ADCY2: variants seen among roughly 807,000 people sequenced by gnomAD.
ADCY2 encodes the protein adenylate cyclase type 2.
ADCY2 carries 31 observed loss-of-function variants against 125.2 expected under a neutral mutation model. That is an observed-to-expected ratio of 0.25 (90% CI 0.19 to 0.33). ADCY2 has a LOEUF of 0.33. ADCY2 is among the 10% of genes least tolerant of loss of function. The pLI is 1.00. For missense variants in ADCY2, 904 were observed against 1,418.2 expected, an observed-to-expected ratio of 0.64 and a Z score of 5.82; for synonymous variants, 512 against 548.4, an observed-to-expected ratio of 0.93 and a Z score of 0.93.
intron 15 of ADCY2, among the ~76,000 whole-genome samples, chr5:7,747,256 G>A (rs762160004): frequency 2.8e-4 from 42 of 152,286 alleles, no homozygotes; most frequent in Non-Finnish European, 5.4e-4. Flanking sequence ...ACTGCACCAA[G>A]CCCTTCTTTT....
intron 2 of ADCY2, among the ~76,000 whole-genome samples, chr5:7,460,507 A>C (rs1475709481): frequency 1.3e-5 from 2 of 152,226 alleles, no homozygotes. Flanking sequence ...CAGTATTATC[A>C]AAATTAAAAC....
intron 3 of ADCY2, among the ~76,000 whole-genome samples, chr5:7,569,100 C>T (rs1735994678): frequency 6.6e-6 from 1 of 152,122 alleles, no homozygotes; most frequent in South Asian, 2.1e-4. Context: ...ATCCATATGG[C>T]CTCATGGAGG....
intron 4 of ADCY2, among the ~76,000 whole-genome samples, chr5:7,665,032 G>A (rs371142751): frequency 1.3e-5 from 2 of 151,858 alleles, no homozygotes; most frequent in East Asian, 3.9e-4. Context: ...GCAAATCAAT[G>A]TGTTTCTTAA....
chr5:7,669,102 A>G (rs1561156602), intron 4 of ADCY2, among the ~76,000 whole-genome samples: 1 of 152,220 alleles, frequency 6.6e-6, no homozygotes, highest in Admixed American at 6.5e-5. Flanking sequence ...AACTGCTGAC[A>G]CTTCTAAAAA....
chr5:7,647,440 C>T (rs557142320), intron 4 of ADCY2, among the ~76,000 whole-genome samples: 1 of 152,276 alleles, frequency 6.6e-6, no homozygotes, highest in South Asian at 2.1e-4. Context: ...GCAGCCAGCA[C>T]ACAGTGCATG....
At chr5:7,522,077 A>G (rs1275630431) in intron 3 of ADCY2, among the ~76,000 whole-genome samples, 1 of 152,000 alleles carries the variant, frequency 6.6e-6, no homozygotes, top group African/African-American at 2.4e-5. Context: ...CACCTGAGAC[A>G]GACAGAGGCC....
At position 7,439,915 on chromosome 5, in the gene ADCY2, C is replaced by T. The variant is rs75702954; in HGVS notation, c.408+25145C>T. On this transcript the variant is annotated intron_variant, in intron 2 of 24. Coordinates refer to ENST00000338316, the MANE Select transcript of ADCY2 (RefSeq NM_020546.3). ...TTACCACTCTACAGGTGAAGAATTCCGGGGGTGAGAGGAGAGTTCAGAGCT... is the reference window on the plus strand; with the variant it reads ...TTACCACTCTACAGGTGAAGAATTCTGGGGGTGAGAGGAGAGTTCAGAGCT... Among the ~76,000 whole-genome samples the T allele has an allele frequency of 6.0e-3, 66 of 11,058 alleles. No homozygotes were observed. The Middle Eastern group carries it at 0.13, about 22-fold the overall frequency. 7.3% of individuals were successfully genotyped at this position (11,058 alleles called of 152,430 possible). A position where few individuals can be genotyped will look rare whatever the true frequency, so the allele number is the denominator to read the frequency against.
intron 5 of ADCY2, among the ~76,000 whole-genome samples, chr5:7,695,471 A>T (rs994891360): frequency 1.3e-5 from 2 of 152,182 alleles, no homozygotes; most frequent in Admixed American, 1.3e-4. Context: ...TAAAAAGAGG[A>T]TTATTTTTCC....
chr5:7,625,153 A>G (rs889153563), intron 3 of ADCY2, among the ~76,000 whole-genome samples: 13 of 152,372 alleles, frequency 8.5e-5, no homozygotes, highest in South Asian at 4.1e-4. Flanking sequence ...GTGGTTGACC[A>G]CTATAGCATA....
intron 2 of ADCY2, among the ~76,000 whole-genome samples, 173 bp downstream of exon 2, chr5:7,414,943 T>C (rs1430643246): frequency 6.6e-6 from 1 of 152,216 alleles, no homozygotes; most frequent in African/African-American, 2.4e-5. Flanking sequence ...ATTATAATTG[T>C]ATGTATTATG....
intron 2 of ADCY2, among the ~76,000 whole-genome samples, chr5:7,439,407 A>G (rs1362044889): frequency 6.6e-6 from 1 of 152,064 alleles, no homozygotes; most frequent in African/African-American, 2.4e-5. Context: ...TACCATGAGA[A>G]CAGTATGTGG....
intron 7 of ADCY2, among the ~76,000 whole-genome samples, chr5:7,699,029 C>T (rs1468433380): frequency 6.7e-6 from 1 of 149,180 alleles, no homozygotes; most frequent in Non-Finnish European, 1.5e-5. Context: ...TCCTATTTCT[C>T]CACATCCTCT....
chr5:7,480,925 G>A (rs1002746243), intron 2 of ADCY2, among the ~76,000 whole-genome samples: 1 of 152,138 alleles, frequency 6.6e-6, no homozygotes, highest in Non-Finnish European at 1.5e-5. Flanking sequence ...GGCTATAGTG[G>A]ATAGTGCTGC....
chr5:7,729,260 G>T (rs1321343737), intron 14 of ADCY2, among the ~76,000 whole-genome samples: 1 of 152,070 alleles, frequency 6.6e-6, no homozygotes, highest in Admixed American at 6.6e-5. Flanking sequence ...TACAGAGTAT[G>T]ATATAATAAA....
intron 3 of ADCY2, among the ~76,000 whole-genome samples, chr5:7,616,598 T>G (rs1416333909): frequency 6.6e-6 from 1 of 152,192 alleles, no homozygotes; most frequent in Non-Finnish European, 1.5e-5. Context: ...TTGGTGCACA[T>G]TAAACCATCA....
At chr5:7,530,081 A>G (rs1462858078) in intron 3 of ADCY2, among the ~76,000 whole-genome samples, 1 of 152,158 alleles carries the variant, frequency 6.6e-6, no homozygotes, top group African/African-American at 2.4e-5. Context: ...TAGCTTGCTC[A>G]GTTTTCCAAT....
chr5:7,746,869 T>C (rs931328685), intron 15 of ADCY2, among the ~76,000 whole-genome samples: 1 of 152,356 alleles, frequency 6.6e-6, no homozygotes, highest in African/African-American at 2.4e-5. Flanking sequence ...GCTTTGCCTC[T>C]GTCATTCTCT....
intron 5 of ADCY2, among the ~76,000 whole-genome samples, chr5:7,693,413 G>GTTTTGTTTTTTTTTTTTT (rs1740779550): frequency 3.1e-5 from 1 of 32,412 alleles, no homozygotes; most frequent in African/African-American, 6.7e-5. Flanking sequence ...GCTGTTTTTT[G>GTTTTGTTTTTTTTTTTTT]TTTTTTTTTT....
Position 7,397,445 on chromosome 5 carries a change from G to GTTTT in ADCY2, c.210+964_210+967dup, listed in dbSNP as rs767411861. Among the ~76,000 whole-genome samples the GTTTT allele has an allele frequency of 3.0e-3, 213 of 70,086 alleles. 32 individuals carry two copies. The highest frequency in any genetic ancestry group is 0.017 in the East Asian group (26 of 1,558). 46.0% of individuals were successfully genotyped at this position (70,086 alleles called of 152,430 possible). On this transcript the variant is annotated intron_variant, in intron 1 of 24. Coordinates refer to ENST00000338316, the MANE Select transcript of ADCY2 (RefSeq NM_020546.3). ...CGAGGCATTGATTATCCACCAGTGA[G>GTTTT]TTTTTTTTTTTTTTTTTTTTTTTTT...
Sources: allele counts gnomAD v4.1 joint callset (sites outside exome capture counted in the v4.1 genomes callset), GRCh38; gene constraint gnomAD v4.1.1; transcripts MANE v1.5; gene names NCBI Gene and HGNC (gene_info 2026-07-23, HGNC 2026-07-21).